BPIFB2: variants seen among roughly 807,000 people sequenced by gnomAD.
BPIFB2 encodes the protein BPI fold containing family B member 2, also known as BPI fold-containing family B member 2.
A neutral mutation model predicts 50.1 loss-of-function variants in BPIFB2; 39 were observed. The observed-to-expected ratio is 0.78, with a 90% CI of 0.60 to 1.02. BPIFB2 has a LOEUF of 1.02. BPIFB2 is among the 50% of genes least tolerant of loss of function. The pLI is 0.00. For missense variants in BPIFB2, 574 were observed against 585.8 expected, an observed-to-expected ratio of 0.98 and a Z score of 0.21; for synonymous variants, 280 against 256.3, an observed-to-expected ratio of 1.09 and a Z score of -0.88.
At chr20:33,023,238 C>T in intron 15 of BPIFB2, 104 bp from the exon 16 acceptor site, 2 of 1,203,210 alleles carry the variant, frequency 1.7e-6, no homozygotes, top group Non-Finnish European at 2.4e-6. Flanking sequence ...CCTCACAACC[C>T]ACAGCAAGAA....
At chr20:33,015,583 G>A in intron 6 of BPIFB2, 87 bp downstream of exon 6, 5 of 1,220,076 alleles carry the variant, frequency 4.1e-6, no homozygotes, top group Non-Finnish European at 4.6e-6. Flanking sequence ...CAGGCAGGGG[G>A]TACTTTGCTT....
chr20:33,019,580 G>A lies in BPIFB2; in HGVS notation c.910G>A (p.Val304Met), dbSNP rs1419928433. The change falls in exon 11 of 16, where the codon GTG becomes ATG. Residue 304 changes from valine (V) to methionine (M), a missense_variant and splice_region_variant. Val to Met is a conservative substitution (Grantham distance 21, BLOSUM62 1). Coordinates refer to ENST00000170150, the MANE Select transcript of BPIFB2 (RefSeq NM_025227.3). ...GCCTCCTCCGCCTCTGCCTCCCCAGGTGGCCCGCCAGTTTCCCGAGCCCAT... is the reference window on the plus strand; with the variant it reads ...GCCTCCTCCGCCTCTGCCTCCCCAGATGGCCCGCCAGTTTCCCGAGCCCAT... ...TSALGRLIPE[V>M]ARQFPEPMPV... 3.2e-6 allele frequency: 5 copies of A among 1,581,526 alleles called. No homozygotes were observed. The highest frequency in any genetic ancestry group is 4.3e-6 in the Non-Finnish European group (5 of 1,160,780).
chr20:33,014,666 G>A (rs1168822413), intron 5 of BPIFB2, among the ~76,000 whole-genome samples: 1 of 152,228 alleles, frequency 6.6e-6, no homozygotes, highest in Non-Finnish European at 1.5e-5. Flanking sequence ...GGCTTGCTGA[G>A]GTGTTGAGCA....
chr20:33,014,043 A>G, intron 5 of BPIFB2, 87 bp downstream of exon 5: 1 of 1,492,644 alleles, frequency 6.7e-7, no homozygotes, highest in Non-Finnish European at 9.0e-7. Flanking sequence ...CAGGACTTTA[A>G]CCAATGGCCA....
intron 6 of BPIFB2, among the ~76,000 whole-genome samples, 156 bp downstream of exon 6, chr20:33,015,652 C>T (rs1978398836): frequency 6.7e-6 from 1 of 148,466 alleles, no homozygotes; most frequent in African/African-American, 2.5e-5. Context: ...AGGGAAAAGG[C>T]TGGTGCCAGG....
chr20:33,017,767 C>T (rs567154154), intron 7 of BPIFB2, among the ~76,000 whole-genome samples: 2 of 152,170 alleles, frequency 1.3e-5, no homozygotes, highest in Non-Finnish European at 2.9e-5. Context: ...CACCAGACTG[C>T]GTGTGCGTGT....
At chr20:33,014,818 A>C (rs1978350369) in intron 5 of BPIFB2, among the ~76,000 whole-genome samples, 1 of 152,232 alleles carries the variant, frequency 6.6e-6, no homozygotes, top group Non-Finnish European at 1.5e-5. Flanking sequence ...CCTTACAGGC[A>C]GGGGATGCTC....
In BPIFB2 at chr20:33,015,427, C is replaced by T; in HGVS notation, c.456-9C>T. 5 of 1,610,946 alleles carry T rather than the reference C, an allele frequency of 3.1e-6. No individual in the cohort carries two copies. Among genetic ancestry groups the T allele is most frequent in the Non-Finnish European group, 4.2e-6 (5 of 1,178,622 alleles). On this transcript the variant is annotated splice_polypyrimidine_tract_variant and intron_variant, in intron 5 of 15. Transcript: ENST00000170150. The stretch of plus-strand genomic sequence containing the variant: ...GAGCCCAGGAACTCTTTCTGTGTTT[C>T]TCCCTCAGCACCTCCCACGCGCTGC...
intron 2 of BPIFB2, 128 bp downstream of exon 2, chr20:33,008,811 T>A (rs909250538): frequency 4.0e-6 from 3 of 756,992 alleles, no homozygotes; most frequent in Admixed American, 3.2e-5. Context: ...GTTGTGTCCC[T>A]GGCACCCAGA....
Position 33,013,908 on chromosome 20 carries a change from C to T in BPIFB2, c.407C>T (p.Ala136Val), listed in dbSNP as rs1990322150. Residue 136 changes from alanine to valine, a missense_variant, in exon 5 of 16, where the codon GCC (alanine) becomes GTC (valine). Physicochemically the swap from Ala to Val is moderately conservative, Grantham distance 64 (BLOSUM62 0). Transcript: ENST00000170150. Reference protein sequence around the residue: ...SIRTPVVSISACSLFSGHANE... With the variant: ...SIRTPVVSISVCSLFSGHANE... The stretch of plus-strand genomic sequence containing the variant: ...AGGACCCCTGTGGTCAGCATCTCTG[C>T]CTGCTCTTTATTCTCGGGCCACGCC... The T allele has an allele frequency of 6.2e-7, 1 of 1,613,956 alleles. No individual in the cohort carries two copies. The highest frequency in any genetic ancestry group is 8.5e-7 in the Non-Finnish European group (1 of 1,179,952).
At chr20:33,012,117 A>G (rs564288483) in intron 3 of BPIFB2, among the ~76,000 whole-genome samples, 2 of 152,380 alleles carry the variant, frequency 1.3e-5, no homozygotes, top group South Asian at 4.1e-4. Flanking sequence ...GGAAGAGCTG[A>G]AATGCAGTTC....
intron 6 of BPIFB2, among the ~76,000 whole-genome samples, chr20:33,016,263 G>A (rs753551356): frequency 7.2e-5 from 11 of 152,128 alleles, no homozygotes; most frequent in Non-Finnish European, 1.5e-4. Flanking sequence ...ACCGAGGCTC[G>A]AGGGGTGAAG....
Position 33,013,839 on chromosome 20 carries a change from C to T in BPIFB2, c.338C>T (p.Pro113Leu), listed in dbSNP as rs745773281. 1 of 1,613,952 alleles carries T rather than the reference C, an allele frequency of 6.2e-7. No individual in the cohort carries two copies. The highest frequency in any genetic ancestry group is 1.1e-5 in the South Asian group (1 of 91,058). Residue 113 changes from proline to leucine, a missense_variant, in exon 5 of 16, where the codon CCT (proline) becomes CTT (leucine). Physicochemically the swap from Pro to Leu is moderately conservative, Grantham distance 98. Transcript: ENST00000170150. ...CCAGAGCCCCTGGAGCTGACGCTGC[C>T]TGTGGAACTGCTGGCTGACACCCGC... Reference protein sequence around the residue: ...RAPEPLELTLPVELLADTRVT... With the variant: ...RAPEPLELTLLVELLADTRVT...
At chr20:33,019,347 T>A (rs925732218) in intron 10 of BPIFB2, among the ~76,000 whole-genome samples, 1 of 152,130 alleles carries the variant, frequency 6.6e-6, no homozygotes, top group African/African-American at 2.4e-5. Context: ...TTCTCCTCCC[T>A]TTCCCTTATC....
intron 11 of BPIFB2, among the ~76,000 whole-genome samples, chr20:33,019,952 G>A (rs543688306): frequency 6.6e-6 from 1 of 152,308 alleles, no homozygotes; most frequent in East Asian, 1.9e-4. Context: ...GGCATGGCCA[G>A]CTCCCCCTCC....
At chr20:33,023,274 C>A (rs1008157776) in intron 15 of BPIFB2, 68 bp from the exon 16 acceptor site, 12 of 1,501,986 alleles carry the variant, frequency 8.0e-6, no homozygotes, top group Non-Finnish European at 1.1e-5. Flanking sequence ...CAGAGCCAGG[C>A]TGAGGGGGCG....
At chr20:33,020,797 A>G (rs1978635426) in intron 13 of BPIFB2, among the ~76,000 whole-genome samples, 1 of 151,994 alleles carries the variant, frequency 6.6e-6, no homozygotes, top group South Asian at 2.1e-4. Context: ...CCCAGCCCTC[A>G]CCCCAAAAGT....
intron 9 of BPIFB2, 118 bp from the exon 10 acceptor site, chr20:33,018,944 T>C (rs1436602786): frequency 1.9e-6 from 3 of 1,571,438 alleles, no homozygotes; most frequent in Non-Finnish European, 2.6e-6. Context: ...CGCCACAGGG[T>C]GGCTGTTGGA....
At chr20:33,019,172 C>G (rs1978557143) in intron 10 of BPIFB2, 57 bp downstream of exon 10, 1 of 1,600,598 alleles carries the variant, frequency 6.2e-7, no homozygotes, top group African/African-American at 1.3e-5. Flanking sequence ...GGTGGGGGTT[C>G]TCTGGGTCAT....
Sources: gnomAD v4.1 joint callset for allele counts (sites outside exome capture counted in the v4.1 genomes callset) on GRCh38, gnomAD v4.1.1 for gene constraint, MANE v1.5 for transcripts, NCBI Gene and HGNC (gene_info 2026-07-23, HGNC 2026-07-21) for gene names.